NOL9: variants seen among roughly 807,000 people sequenced by gnomAD.
NOL9 encodes nucleolar protein 9.
NOL9 carries 28 observed loss-of-function variants against 67.9 expected under a neutral mutation model. That is an observed-to-expected ratio of 0.41 (90% confidence interval 0.31 to 0.57). The LOEUF is 0.57. Among genes scored for constraint, NOL9 ranks in the 20% least tolerant of loss-of-function variants. NOL9 has a pLI of 0.25. For synonymous variants in NOL9, 356 were observed against 352.2 expected (o/e 1.01, Z -0.12); for missense variants, 777 against 897.0 (o/e 0.87, Z 1.71).
intron 3 of NOL9, among the ~76,000 whole-genome samples, chr1:6,546,718 G>A (rs1639428546): frequency 6.6e-6 from 1 of 151,978 alleles, no homozygotes; most frequent in African/African-American, 2.4e-5. Flanking sequence ...CCCTTCCTCT[G>A]GATCATTCCC....
chr1:6,525,748 T>C lies in NOL9; in HGVS notation c.*106A>G. 1 of 1,160,448 alleles carries C rather than the reference T, an allele frequency of 8.6e-7. No homozygotes were observed. Among genetic ancestry groups the C allele is most frequent in the South Asian group, 1.4e-5 (1 of 73,138 alleles). 71.9% of individuals were successfully genotyped at this position (1,160,448 alleles called of 1,614,324 possible). On this transcript the variant is annotated 3_prime_UTR_variant, in exon 12 of 12. Coordinates refer to ENST00000377705, the MANE Select transcript of NOL9 (RefSeq NM_024654.5). The stretch of plus-strand genomic sequence containing the variant: ...ATTACACAAAAAACACTGTTGCTAA[T>C]AAGGGCACCATTCATGGCCATGAAA...
chr1:6,530,665 C>G (rs1319582843), intron 9 of NOL9, among the ~76,000 whole-genome samples: 1 of 152,224 alleles, frequency 6.6e-6, no homozygotes, highest in Non-Finnish European at 1.5e-5. Flanking sequence ...CATATCCTTG[C>G]TGCCCAGGTC....
chr1:6,553,795 T>C (rs1212160691), intron 1 of NOL9, among the ~76,000 whole-genome samples: 3 of 152,066 alleles, frequency 2.0e-5, no homozygotes, highest in African/African-American at 4.8e-5. Context: ...TGAGCCGAGA[T>C]TGTGCCACTG....
intron 5 of NOL9, among the ~76,000 whole-genome samples, chr1:6,543,109 G>A (rs1639336015): frequency 1.3e-5 from 2 of 151,318 alleles, no homozygotes; most frequent in East Asian, 3.9e-4. Flanking sequence ...GCCCAGGCTG[G>A]TCCGAAACTC....
chr1:6,528,933 A>G, intron 10 of NOL9, 61 bp downstream of exon 10: 1 of 1,520,602 alleles, frequency 6.6e-7, no homozygotes, highest in Admixed American at 1.7e-5. Flanking sequence ...CCAGTCATCT[A>G]CAGTTGAAGC....
intron 2 of NOL9, among the ~76,000 whole-genome samples, chr1:6,549,959 C>T (rs1449564462): frequency 6.6e-6 from 1 of 152,142 alleles, no homozygotes; most frequent in East Asian, 1.9e-4. Context: ...CTTTCACTCT[C>T]AGGACCCTCG....
chr1:6,532,711 G>GCTGGGAGA lies in NOL9; in HGVS notation c.1279_1286dup (p.His430LeufsTer24). The stretch of plus-strand genomic sequence containing the variant: ...GGTCAGAGCGGAACTGAACCACGTG[G>GCTGGGAGA]CTGGGAGACAGCAATCGGATCAGAT... On this transcript the variant is annotated frameshift_variant, in exon 8 of 12. Transcript: ENST00000377705. LOFTEE classifies it high-confidence loss of function. 1 of 1,614,152 alleles carries GCTGGGAGA rather than the reference G, an allele frequency of 6.2e-7. No individual in the cohort carries two copies. Among genetic ancestry groups the GCTGGGAGA allele is most frequent in the African/African-American group, 1.3e-5 (1 of 75,032 alleles).
intron 1 of NOL9, among the ~76,000 whole-genome samples, chr1:6,551,824 G>T (rs1479896176): frequency 6.6e-6 from 1 of 152,028 alleles, no homozygotes; most frequent in Non-Finnish European, 1.5e-5. Context: ...AAGGTCAGGA[G>T]ATCAAGACCA....
At position 6,544,844 on chromosome 1, in the gene NOL9, A is replaced by G. The variant is rs1252396622; in HGVS notation, c.959T>C (p.Ile320Thr). 1 of 1,614,234 alleles carries G rather than the reference A, an allele frequency of 6.2e-7. No homozygotes were observed. The highest frequency in any genetic ancestry group is 1.1e-5 in the South Asian group (1 of 91,080). Residue 320 changes from isoleucine (I) to threonine (T), a missense_variant, in exon 5 of 12, where the codon ATT (isoleucine) becomes ACT (threonine). Coordinates refer to ENST00000377705, the MANE Select transcript of NOL9 (RefSeq NM_024654.5). ...VGKSTFNRYL[I>T]NHLLNSLPCV... Reference sequence around the variant, plus strand: ...CTCTTACCTATTTAACAAATGGTTAATCAGGTATCTATTAAATGTTGACTT... The same window carrying G: ...CTCTTACCTATTTAACAAATGGTTAGTCAGGTATCTATTAAATGTTGACTT...
intron 6 of NOL9, among the ~76,000 whole-genome samples, chr1:6,541,139 C>A (rs796258103): frequency 1.2e-4 from 18 of 151,444 alleles, no homozygotes; most frequent in African/African-American, 4.1e-4. Context: ...CCTCGGCGTC[C>A]CAAGTAGCTG....
At chr1:6,539,000 A>C (rs1639216844) in intron 6 of NOL9, among the ~76,000 whole-genome samples, 1 of 152,148 alleles carries the variant, frequency 6.6e-6, no homozygotes, top group South Asian at 2.1e-4. Context: ...AAAACACACA[A>C]GCAATATTCA....
chr1:6,545,807 G>C (rs1251637170), intron 3 of NOL9, among the ~76,000 whole-genome samples: 1 of 151,096 alleles, frequency 6.6e-6, no homozygotes, highest in Non-Finnish European at 1.5e-5. Flanking sequence ...CCAGCTACTT[G>C]GGAGGCTGAA....
At chr1:6,539,666 T>C (rs1231308633) in intron 6 of NOL9, among the ~76,000 whole-genome samples, 4 of 152,004 alleles carry the variant, frequency 2.6e-5, no homozygotes, top group Non-Finnish European at 5.9e-5. Context: ...TGTATTTTTT[T>C]TAATAGGGAC....
chr1:6,548,065 G>C (rs1479281493), intron 3 of NOL9: 4 of 249,780 alleles, frequency 1.6e-5, no homozygotes, highest in African/African-American at 4.5e-5. Flanking sequence ...CAAGAAGGTT[G>C]GGAAAACACC....
chr1:6,533,848 C>T (rs987001631), intron 6 of NOL9, among the ~76,000 whole-genome samples: 1 of 151,506 alleles, frequency 6.6e-6, no homozygotes, highest in Non-Finnish European at 1.5e-5. Context: ...AGCAATGACT[C>T]TGTTCTAAGA....
At chr1:6,539,226 G>C (rs187320339) in intron 6 of NOL9, among the ~76,000 whole-genome samples, 1 of 152,322 alleles carries the variant, frequency 6.6e-6, no homozygotes, top group Non-Finnish European at 1.5e-5. Context: ...TGCAGCTACT[G>C]TGAAAAACAG....
At position 6,545,195 on chromosome 1, in the gene NOL9, T is replaced by G. The variant is rs1639392565; in HGVS notation, c.745-15A>C. On this transcript the variant is annotated splice_polypyrimidine_tract_variant and intron_variant, in intron 3 of 11. Transcript: ENST00000377705. The stretch of plus-strand genomic sequence containing the variant: ...GGAGTTGGACTCTGAAATCAACAAT[T>G]TAAACTTTAAGGTGAAAAAATGCAT... 6.2e-7 allele frequency: 1 copy of G among 1,603,774 alleles called. No individual in the cohort carries two copies. Among genetic ancestry groups the G allele is most frequent in the African/African-American group, 1.4e-5 (1 of 74,072 alleles).
chr1:6,552,022 G>A (rs112400067), intron 1 of NOL9, among the ~76,000 whole-genome samples: 5,498 of 152,134 alleles, frequency 0.036, 329 homozygotes, highest in African/African-American at 0.13. Context: ...GCAACAGAGC[G>A]AGACTCCATC....
intron 2 of NOL9, 102 bp downstream of exon 2, chr1:6,550,294 G>A: frequency 1.0e-6 from 1 of 979,616 alleles, no homozygotes. Context: ...GCCTCCCAAA[G>A]TGCTGGGATT....
Sources: gnomAD v4.1 joint callset for allele counts (sites outside exome capture counted in the v4.1 genomes callset) on GRCh38, gnomAD v4.1.1 for gene constraint, MANE v1.5 for transcripts, NCBI Gene and HGNC (gene_info 2026-07-23, HGNC 2026-07-21) for gene names.